Variants in GRIK4 observed in about 807,000 individuals in gnomAD.
GRIK4 encodes glutamate ionotropic receptor kainate type subunit 4, also known as glutamate receptor ionotropic, kainate 4.
In GRIK4, 40 loss-of-function variants were observed where a neutral mutation model predicts 104.9. That is an observed-to-expected ratio of 0.38 (90% CI 0.30 to 0.50). The LOEUF is 0.50. Ranked by LOEUF, GRIK4 falls within the 20% of genes least tolerant of loss-of-function variation. The probability of loss-of-function intolerance (pLI) is 0.93; values close to 1 mark genes in which losing one functional copy is unlikely to be tolerated. For synonymous variants in GRIK4, 485 were observed against 524.9 expected, an observed-to-expected ratio of 0.92 and a Z score of 1.04; for missense variants, 1,047 against 1,308.1, an observed-to-expected ratio of 0.80 and a Z score of 3.08.
chr11:120,904,979 GA>G (rs1321775496), intron 12 of GRIK4, among the ~76,000 whole-genome samples: 5 of 151,844 alleles, frequency 3.3e-5, no homozygotes, highest in African/African-American at 9.7e-5. Flanking sequence ...AGCAGGGGTA[GA>G]AAAAAAAGAG....
chr11:120,769,721 G>T (rs1385615207), intron 3 of GRIK4, among the ~76,000 whole-genome samples: 3 of 152,160 alleles, frequency 2.0e-5, no homozygotes, highest in Non-Finnish European at 4.4e-5. Context: ...AAATTATGTT[G>T]CTGTTGTATA....
intron 1 of GRIK4, among the ~76,000 whole-genome samples, chr11:120,533,422 A>G (rs1180467068): frequency 6.6e-6 from 1 of 152,192 alleles, no homozygotes; most frequent in Non-Finnish European, 1.5e-5. Flanking sequence ...TTAATAGCTG[A>G]GCCTAGAGAT....
Position 120,802,795 on chromosome 11 carries a change from C to T in GRIK4, c.185C>T (p.Ala62Val). 4 of 1,614,150 alleles carry T rather than the reference C, an allele frequency of 2.5e-6. No individual in the cohort carries two copies. The highest frequency in any genetic ancestry group is 3.4e-6 in the Non-Finnish European group (4 of 1,180,002). Reference sequence around the variant, plus strand: ...CGCGCTCCTGAGAGGCTGGGCAAGGCCAAGGTCGAAGTGGACATCTTTGAG... The same window carrying T: ...CGCGCTCCTGAGAGGCTGGGCAAGGTCAAGGTCGAAGTGGACATCTTTGAG... ...INRAPERLGK[A>V]KVEVDIFELL... Residue 62 changes from alanine to valine, a missense_variant, in exon 4 of 21, where the codon GCC (alanine) becomes GTC (valine). Transcript: ENST00000527524.
chr11:120,731,499 G>T (rs953285344), intron 3 of GRIK4, among the ~76,000 whole-genome samples: 1 of 152,000 alleles, frequency 6.6e-6, no homozygotes, highest in Non-Finnish European at 1.5e-5. Context: ...TGCATCAGTA[G>T]TTATTAGTGA....
rs527603432 is a variant in GRIK4 at position 120,662,401 on chromosome 11, A to T, written c.82+2001A>T. ...TAAGCCAACAGAAAGGGAAGAAAAG[A>T]AAAACCCAAACAGCAGTGCCAGGAC... On this transcript the variant is annotated intron_variant, in intron 3 of 20. Coordinates refer to ENST00000527524, the MANE Select transcript of GRIK4 (RefSeq NM_014619.5). Among the ~76,000 whole-genome samples, 344 of 152,352 alleles carry T rather than the reference A, an allele frequency of 2.3e-3. 1 individual carries two copies. Among genetic ancestry groups the T allele is most frequent in the Middle Eastern group, 0.017 (5 of 294 alleles).
At chr11:120,919,742 A>G (rs1016420392) in intron 13 of GRIK4, among the ~76,000 whole-genome samples, 9 of 152,166 alleles carry the variant, frequency 5.9e-5, no homozygotes, top group African/African-American at 2.2e-4. Flanking sequence ...GTGAGAGTCA[A>G]GTGGTGGTGA....
chr11:120,760,677 T>C (rs979125015), intron 3 of GRIK4, among the ~76,000 whole-genome samples: 1 of 152,160 alleles, frequency 6.6e-6, no homozygotes, highest in African/African-American at 2.4e-5. Flanking sequence ...CTCCCACTTA[T>C]GAGTGAGAAC....
chr11:120,658,727 C>CTTTTTTTTTTTTTTTTTTT (rs71050753), intron 2 of GRIK4, among the ~76,000 whole-genome samples: 1 of 56,694 alleles, frequency 1.8e-5, no homozygotes, highest in African/African-American at 4.8e-5. Context: ...GAGGACGAAA[C>CTTTTTTTTTTTTTTTTTTT]TTTTTTTTTT....
At chr11:120,692,713 C>G (rs1362391781) in intron 3 of GRIK4, among the ~76,000 whole-genome samples, 1 of 152,160 alleles carries the variant, frequency 6.6e-6, no homozygotes, top group Non-Finnish European at 1.5e-5. Context: ...GAAGCTTGAA[C>G]TTTGTTTTGG....
chr11:120,818,047 C>G (rs984301529), intron 5 of GRIK4, among the ~76,000 whole-genome samples: 3 of 152,226 alleles, frequency 2.0e-5, no homozygotes, highest in African/African-American at 7.2e-5. Flanking sequence ...CACAGCAGAA[C>G]CTGGATGCAA....
At chr11:120,744,283 A>G (rs897720054) in intron 3 of GRIK4, among the ~76,000 whole-genome samples, 6 of 152,246 alleles carry the variant, frequency 3.9e-5, no homozygotes, top group Admixed American at 2.6e-4. Flanking sequence ...ATATCTGGAA[A>G]CAGTGTGGGG....
intron 4 of GRIK4, 141 bp from the exon 5 acceptor site, chr11:120,815,237 C>T (rs1228065796): frequency 2.0e-5 from 12 of 589,684 alleles, no homozygotes; most frequent in East Asian, 3.2e-5. Flanking sequence ...CTCTGGGTTT[C>T]GAAGGGTTGG....
chr11:120,628,529 C>T (rs1949288716), intron 1 of GRIK4, among the ~76,000 whole-genome samples: 2 of 152,094 alleles, frequency 1.3e-5, no homozygotes, highest in Admixed American at 6.5e-5. Flanking sequence ...GCTGTGCTCC[C>T]GAGGGCCCTC....
chr11:120,539,342 G>A (rs1479155046), intron 1 of GRIK4, among the ~76,000 whole-genome samples: 2 of 152,204 alleles, frequency 1.3e-5, no homozygotes, highest in African/African-American at 2.4e-5. Context: ...AGGGTGAGCC[G>A]GGAGCATCTT....
chr11:120,784,503 A>G (rs1266607813), intron 3 of GRIK4, among the ~76,000 whole-genome samples: 3 of 151,964 alleles, frequency 2.0e-5, no homozygotes, highest in East Asian at 1.9e-4. Flanking sequence ...GCCAGTTTTG[A>G]TCGGAGGCCA....
At chr11:120,973,184 ATTG>A (rs1397017360) in intron 19 of GRIK4, among the ~76,000 whole-genome samples, 3 of 152,196 alleles carry the variant, frequency 2.0e-5, no homozygotes, top group Non-Finnish European at 2.9e-5. Flanking sequence ...TAAAGTTATA[ATTG>A]TTGCAGTTGT....
At chr11:120,678,795 G>A (rs1950144387) in intron 3 of GRIK4, among the ~76,000 whole-genome samples, 1 of 152,036 alleles carries the variant, frequency 6.6e-6, no homozygotes, top group South Asian at 2.1e-4. Flanking sequence ...CACCACACCT[G>A]GTTAATTTTT....
At chr11:120,762,304 TTTGCTGAAG>T (rs1382933021) in intron 3 of GRIK4, among the ~76,000 whole-genome samples, 1 of 152,264 alleles carries the variant, frequency 6.6e-6, no homozygotes, top group Admixed American at 6.5e-5. Context: ...ATCCTAAGAC[TTTGCTGAAG>T]TTGCTTATCA....
intron 8 of GRIK4, among the ~76,000 whole-genome samples, chr11:120,847,299 G>A (rs1294301734): frequency 3.9e-5 from 6 of 152,164 alleles, no homozygotes; most frequent in Non-Finnish European, 7.3e-5. Flanking sequence ...TGTGCTGTGT[G>A]CTGGGGATAC....
Sources: allele counts gnomAD v4.1 joint callset (sites outside exome capture counted in the v4.1 genomes callset), GRCh38; gene constraint gnomAD v4.1.1; transcripts MANE v1.5; gene names NCBI Gene and HGNC (gene_info 2026-07-23, HGNC 2026-07-21).